ANKRD24: variants seen among roughly 807,000 people sequenced by gnomAD.
ANKRD24 encodes ankyrin repeat domain-containing protein 24.
A neutral mutation model predicts 127.8 loss-of-function variants in ANKRD24; 109 were observed. The ratio of observed to expected loss-of-function variants is 0.85; its 90% CI spans 0.73 to 1.00. ANKRD24 has a LOEUF of 1.00. ANKRD24 is among the 50% of genes least tolerant of loss of function. The probability of loss-of-function intolerance (pLI) is 0.00; values close to 1 mark genes in which losing one functional copy is unlikely to be tolerated. For missense variants in ANKRD24, 1,648 were observed against 1,570.2 expected, an observed-to-expected ratio of 1.05 and a Z score of -0.84; for synonymous variants, 743 against 671.1, an observed-to-expected ratio of 1.11 and a Z score of -1.66.
chr19:4,211,753 C>T (rs1402419469), intron 13 of ANKRD24, among the ~76,000 whole-genome samples: 1 of 152,026 alleles, frequency 6.6e-6, no homozygotes, highest in Non-Finnish European at 1.5e-5. Flanking sequence ...TAGTAATTGT[C>T]CAGAATGGTG....
At chr19:4,208,926 A>C (rs1969542584) in intron 11 of ANKRD24, 125 bp downstream of exon 11, 1 of 1,027,444 alleles carries the variant, frequency 9.7e-7, no homozygotes, top group Non-Finnish European at 1.4e-6. Flanking sequence ...AAAGAATGCT[A>C]CCTTCAGGGT....
chr19:4,190,382 C>T (rs1289933308), intron 2 of ANKRD24, among the ~76,000 whole-genome samples: 2 of 150,228 alleles, frequency 1.3e-5, no homozygotes, highest in Non-Finnish European at 3.0e-5. Context: ...CGAGATGGAG[C>T]CATTGCACTC....
rs1356395161 is a variant in ANKRD24 at position 4,217,666 on chromosome 19, C to G, written c.2506C>G (p.Leu836Val). Residue 836 changes from leucine (L) to valine (V), a missense_variant, in exon 18 of 22, where the codon CTG (leucine) becomes GTG (valine). Leu to Val is a conservative substitution (Grantham distance 32, BLOSUM62 1). Coordinates refer to ENST00000318934, the MANE Select transcript of ANKRD24 (RefSeq NM_001393985.1). ...GGAGGCGCGGGGCCTGCGGGCCGAG[C>G]TGGCCCAGCGGGAGGAGGCGCGGCT... ...EEEARGLRAE[L>V]AQREEARLEQ... 11 of 1,284,084 alleles carry G rather than the reference C, an allele frequency of 8.6e-6. No homozygotes were observed. The highest frequency in any genetic ancestry group is 3.1e-5 in the African/African-American group (2 of 63,630). The allele number at this position is 1,284,084 out of a possible 1,614,324, so 79.5% of individuals were successfully genotyped here.
intron 2 of ANKRD24, among the ~76,000 whole-genome samples, chr19:4,197,907 G>A (rs1425739050): frequency 2.0e-5 from 3 of 152,178 alleles, no homozygotes; most frequent in Non-Finnish European, 4.4e-5. Context: ...GTGAATGAAT[G>A]AACGAGTGAA....
At chr19:4,189,401 C>T (rs1191403689) in intron 2 of ANKRD24, among the ~76,000 whole-genome samples, 1 of 151,736 alleles carries the variant, frequency 6.6e-6, no homozygotes, top group Non-Finnish European at 1.5e-5. Context: ...CAGGCACGCA[C>T]TACCACGCCC....
chr19:4,191,728 T>G lies in ANKRD24; in HGVS notation c.36+5267T>G, dbSNP rs1319288357. On this transcript the variant is annotated intron_variant, in intron 2 of 21. Coordinates refer to ENST00000318934, the MANE Select transcript of ANKRD24 (RefSeq NM_001393985.1). ...AACTCCTGACCTCAGATGATCCGCC[T>G]GCCTCAGCCTCCCAAAGTGCTGGGA... 3.3e-5 allele frequency among the ~76,000 whole-genome samples: 5 copies of G among 151,876 alleles called. No individual in the cohort carries two copies. The East Asian group carries it at 9.7e-4, about 29-fold the overall frequency.
chr19:4,219,556 G>A (rs758792105), intron 18 of ANKRD24, 35 bp from the exon 19 acceptor site: 3 of 1,571,000 alleles, frequency 1.9e-6, no homozygotes, highest in Admixed American at 3.7e-5. Flanking sequence ...TGGAGTCTTA[G>A]TGTCCTGAGA....
intron 13 of ANKRD24, among the ~76,000 whole-genome samples, chr19:4,210,773 A>AC (rs201183718): frequency 0.057 from 4,869 of 85,698 alleles, 329 homozygotes; most frequent in African/African-American, 0.18. Context: ...TTGTAACATC[A>AC]CCCCCCACCA....
At position 4,217,765 on chromosome 19, in the gene ANKRD24, A is replaced by T; in HGVS notation, c.2605A>T (p.Thr869Ser). 1 of 1,303,182 alleles carries T rather than the reference A, an allele frequency of 7.7e-7. No homozygotes were observed. The highest frequency in any genetic ancestry group is 9.7e-7 in the Non-Finnish European group (1 of 1,029,616). The allele number at this position is 1,303,182 out of a possible 1,614,324, so 80.7% of individuals were successfully genotyped here. ...CAGGGCCACGGGGGAGCAGCAGCGC[A>T]CGGCGGCCGCGGAACTGGGCCGGGC... ...TARATGEQQR[T>S]AAAELGRARD... Residue 869 changes from threonine (T) to serine (S), a missense_variant, in exon 18 of 22, where the codon ACG (threonine) becomes TCG (serine). Physicochemically the swap from Thr to Ser is moderately conservative, Grantham distance 58. Coordinates refer to ENST00000318934, the MANE Select transcript of ANKRD24 (RefSeq NM_001393985.1).
At chr19:4,209,423 T>C (rs1969575958) in intron 11 of ANKRD24, among the ~76,000 whole-genome samples, 1 of 147,706 alleles carries the variant, frequency 6.8e-6, no homozygotes, top group Non-Finnish European at 1.5e-5. Flanking sequence ...CCTAGTTTTT[T>C]TTTTTTGTTG....
chr19:4,212,823 A>T, intron 15 of ANKRD24, 125 bp downstream of exon 15: 1 of 869,884 alleles, frequency 1.1e-6, no homozygotes, highest in Non-Finnish European at 1.7e-6. Context: ...CACGCACCAG[A>T]CACATGCACC....
rs1171002381 is a variant in ANKRD24 at position 4,217,076 on chromosome 19, G to C, written c.1916G>C (p.Gly639Ala). 6.2e-7 allele frequency: 1 copy of C among 1,613,794 alleles called. No homozygotes were observed. Among genetic ancestry groups the C allele is most frequent in the Non-Finnish European group, 8.5e-7 (1 of 1,179,874 alleles). Residue 639 changes from glycine (G) to alanine (A), a missense_variant, in exon 18 of 22, where the codon GGG becomes GCG. Physicochemically the swap from Gly to Ala is moderately conservative, Grantham distance 60. Transcript: ENST00000318934. Reference sequence around the variant, plus strand: ...GAGACCACGGGAGTGGAGGCCATGGGGGTGGAGGCCACAAAAACAAAAGCA... The same window carrying C: ...GAGACCACGGGAGTGGAGGCCATGGCGGTGGAGGCCACAAAAACAAAAGCA... ...DTETTGVEAM[G>A]VEATKTKAEE...
chr19:4,210,234 C>CA lies in ANKRD24; in HGVS notation c.952-30dup, dbSNP rs759560509. On this transcript the variant is annotated intron_variant, in intron 12 of 21. Transcript: ENST00000318934. ...CCTGGGATGGGGCAACCTTAGGCCC[C>CA]ATCTAAAGGCCGTGGTGGGGAGGGG... is the stretch of plus-strand genomic sequence containing the variant. 1.7e-5 allele frequency: 27 copies of CA among 1,562,206 alleles called. No homozygotes were observed. In the East Asian group the frequency reaches 5.6e-4, roughly 33 times the overall value.
intron 19 of ANKRD24, among the ~76,000 whole-genome samples, chr19:4,222,273 C>T (rs1681858050): frequency 6.6e-6 from 1 of 152,194 alleles, no homozygotes; most frequent in Non-Finnish European, 1.5e-5. Context: ...CCTGTAGTCC[C>T]AGCTACTCAG....
rs1204465869 is a variant in ANKRD24 at position 4,195,259 on chromosome 19, A to G, written c.37-4424A>G. On this transcript the variant is annotated intron_variant, in intron 2 of 21. Transcript: ENST00000318934. The surrounding 1 kb of genome is among the most constrained non-coding windows in gnomAD (Gnocchi z 4.2). ...GGCTAATTTTTTGTATTTTTAGTAGAGACGGGGTTTTGCCACGTTGGTCAG... is the reference window on the plus strand; with the variant it reads ...GGCTAATTTTTTGTATTTTTAGTAGGGACGGGGTTTTGCCACGTTGGTCAG... 1.3e-5 allele frequency among the ~76,000 whole-genome samples: 2 copies of G among 151,820 alleles called. No individual in the cohort carries two copies. Among genetic ancestry groups the G allele is most frequent in the Admixed American group, 6.6e-5 (1 of 15,226 alleles).
intron 7 of ANKRD24, 31 bp from the exon 8 acceptor site, chr19:4,207,211 A>T (rs1156991830): frequency 1.2e-6 from 2 of 1,605,536 alleles, no homozygotes; most frequent in Non-Finnish European, 1.7e-6. Context: ...GGGTTGAGCT[A>T]CCGCACCGGA....
At position 4,219,594 on chromosome 19, in the gene ANKRD24, C is replaced by T; in HGVS notation, c.3007C>T (p.Gln1003Ter). 1 of 1,607,182 alleles carries T rather than the reference C, an allele frequency of 6.2e-7. No homozygotes were observed. The highest frequency in any genetic ancestry group is 2.2e-5 in the East Asian group (1 of 44,714). ...CATGCGTGGGCTTGGGCCACAGGTG[C>T]AGCGTGAGGCCCTGTTCATGAAGAG... ...EKTSAEVFQV[Q>*]REALFMKSER... is the part of the protein sequence containing the mutation. Residue 1003 changes from glutamine (Q) to a stop codon, truncating the protein, a stop_gained, in exon 19 of 22, where the codon CAG (glutamine) becomes TAG (stop). Transcript: ENST00000318934. LOFTEE classifies it high-confidence loss of function.
chr19:4,224,407 C>T (rs1433409787), intron 21 of ANKRD24, 21 bp from the exon 22 acceptor site: 3 of 1,611,062 alleles, frequency 1.9e-6, no homozygotes, highest in Non-Finnish European at 2.5e-6. Flanking sequence ...TCAGGGTCTT[C>T]CTCTACTCCC....
intron 2 of ANKRD24, among the ~76,000 whole-genome samples, chr19:4,192,791 G>A (rs1472170332): frequency 2.0e-5 from 3 of 151,382 alleles, no homozygotes; most frequent in African/African-American, 7.3e-5. Flanking sequence ...AAATTAGTTG[G>A]GTATGGTGGT....
Sources: gnomAD v4.1 joint callset for allele counts (sites outside exome capture counted in the v4.1 genomes callset) on GRCh38, gnomAD v4.1.1 for gene constraint, Gnocchi (gnomAD v3.1) non-coding constraint, MANE v1.5 for transcripts, NCBI Gene and HGNC (gene_info 2026-07-23, HGNC 2026-07-21) for gene names.